PPARG: variants seen among roughly 807,000 people sequenced by gnomAD.
PPARG encodes peroxisome proliferator activated receptor gamma, also known as peroxisome proliferator-activated receptor gamma.
A neutral mutation model predicts 39.2 loss-of-function variants in PPARG; 17 were observed. That is an observed-to-expected ratio of 0.43 (90% CI 0.30 to 0.65). The LOEUF is 0.65. PPARG is among the 30% of genes least tolerant of loss of function. The pLI, the probability that PPARG is intolerant of heterozygous loss-of-function variation, is 0.13. For synonymous variants in PPARG, 223 were observed against 215.7 expected, an observed-to-expected ratio of 1.03 and a Z score of -0.30; for missense variants, 406 against 585.9, an observed-to-expected ratio of 0.69 and a Z score of 3.17.
chr3:12,340,015 C>T (rs1422460929), intron 2 of PPARG, among the ~76,000 whole-genome samples: 2 of 152,166 alleles, frequency 1.3e-5, no homozygotes, highest in African/African-American at 4.8e-5. Context: ...CATTAATCTC[C>T]CAGAGGCTAC....
intron 6 of PPARG, among the ~76,000 whole-genome samples, chr3:12,411,875 A>T (rs937698146): frequency 1.2e-4 from 18 of 152,226 alleles, no homozygotes; most frequent in Admixed American, 3.9e-4. Flanking sequence ...GATGAAAGTC[A>T]GATGTGTAAA....
chr3:12,315,160 T>C (rs575658015), intron 2 of PPARG, among the ~76,000 whole-genome samples: 1 of 152,348 alleles, frequency 6.6e-6, no homozygotes, highest in South Asian at 2.1e-4. Context: ...TGTCCACTTT[T>C]ATGAGATCAA....
intron 7 of PPARG, among the ~76,000 whole-genome samples, chr3:12,422,897 A>T (rs1362174607): frequency 6.6e-6 from 1 of 152,042 alleles, no homozygotes; most frequent in East Asian, 1.9e-4. Flanking sequence ...AAAAAAAGAA[A>T]AGAAAAAGAA....
At chr3:12,319,732 A>G (rs1365682550) in intron 2 of PPARG, among the ~76,000 whole-genome samples, 1 of 151,160 alleles carries the variant, frequency 6.6e-6, no homozygotes, top group East Asian at 1.9e-4. Flanking sequence ...AACCTTAACC[A>G]TGTTGTTCCA....
intron 7 of PPARG, among the ~76,000 whole-genome samples, chr3:12,431,437 T>TAAGC (rs371882141): frequency 8.5e-5 from 13 of 152,184 alleles, no homozygotes; most frequent in Admixed American, 3.9e-4. Context: ...TCAAATGAAT[T>TAAGC]AAGCATTCAA....
chr3:12,367,200 A>G (rs527802921), intron 2 of PPARG, among the ~76,000 whole-genome samples: 3 of 152,258 alleles, frequency 2.0e-5, no homozygotes, highest in Admixed American at 2.0e-4. Context: ...CTTTAATGTC[A>G]ATGAGATCTG....
intron 1 of PPARG, among the ~76,000 whole-genome samples, chr3:12,306,123 T>G (rs1049584718): frequency 6.6e-6 from 1 of 152,218 alleles, no homozygotes; most frequent in Admixed American, 6.5e-5. Context: ...TTCAACAGAC[T>G]GGTGGCAGGT....
At chr3:12,310,198 A>G (rs980468803) in intron 1 of PPARG, among the ~76,000 whole-genome samples, 3 of 152,150 alleles carry the variant, frequency 2.0e-5, no homozygotes, top group Admixed American at 1.3e-4. Context: ...GACAGTAGTA[A>G]GAACCAGCCA....
At chr3:12,355,120 GA>G (rs1229219666) in intron 2 of PPARG, among the ~76,000 whole-genome samples, 1 of 152,028 alleles carries the variant, frequency 6.6e-6, no homozygotes, top group African/African-American at 2.4e-5. Flanking sequence ...GAAAAGATTT[GA>G]GTTATTGACA....
intron 2 of PPARG, among the ~76,000 whole-genome samples, chr3:12,346,818 T>C (rs2048341410): frequency 6.6e-6 from 1 of 151,880 alleles, no homozygotes; most frequent in Non-Finnish European, 1.5e-5. Context: ...TATTTTTTTA[T>C]AGAGGCAGGG....
At chr3:12,351,524 G>A (rs2048484669) in intron 2 of PPARG, 3 of 1,201,264 alleles carry the variant, frequency 2.5e-6, no homozygotes, top group Non-Finnish European at 3.7e-6. Context: ...TCTTTTAACG[G>A]ATTGATCTTT....
intron 1 of PPARG, among the ~76,000 whole-genome samples, chr3:12,303,053 T>C (rs977756567): frequency 6.6e-6 from 1 of 152,152 alleles, no homozygotes; most frequent in East Asian, 1.9e-4. Flanking sequence ...TTTAATATTA[T>C]TATGATATTC....
intron 6 of PPARG, among the ~76,000 whole-genome samples, chr3:12,413,654 A>C (rs1008604796): frequency 2.0e-5 from 3 of 151,670 alleles, no homozygotes; most frequent in African/African-American, 7.3e-5. Context: ...ACTAAAAAAT[A>C]AAAAAATTTA....
intron 2 of PPARG, among the ~76,000 whole-genome samples, chr3:12,372,338 G>A (rs2049248208): frequency 6.6e-6 from 1 of 152,150 alleles, no homozygotes; most frequent in Non-Finnish European, 1.5e-5. Flanking sequence ...TGTGGGCTAT[G>A]GAGCTTCAGA....
At chr3:12,288,441 G>C (rs1274353027), upstream of PPARG, among the ~76,000 whole-genome samples, 3 of 152,086 alleles carry the variant, frequency 2.0e-5, no homozygotes, top group Non-Finnish European at 2.9e-5. Flanking sequence ...AGAGCGCCGG[G>C]TGGGCGCGGA....
At chr3:12,318,993 G>A (rs982129303) in intron 2 of PPARG, among the ~76,000 whole-genome samples, 1 of 152,142 alleles carries the variant, frequency 6.6e-6, no homozygotes, top group African/African-American at 2.4e-5. Context: ...GAAATTTAGT[G>A]ACGTAAGCAT....
At chr3:12,398,192 A>G (rs762035096) in intron 5 of PPARG, among the ~76,000 whole-genome samples, 1 of 152,240 alleles carries the variant, frequency 6.6e-6, no homozygotes, top group Non-Finnish European at 1.5e-5. Context: ...GATAGCAGTA[A>G]AAATGATAGA....
chr3:12,359,506 A>G (rs1418800286), intron 2 of PPARG, among the ~76,000 whole-genome samples: 1 of 152,152 alleles, frequency 6.6e-6, no homozygotes, highest in Non-Finnish European at 1.5e-5. Context: ...CAAACATAGT[A>G]ACTTCCCAAA....
At chr3:12,330,984 C>G (rs1177561882) in intron 2 of PPARG, among the ~76,000 whole-genome samples, 1 of 152,142 alleles carries the variant, frequency 6.6e-6, no homozygotes, top group Non-Finnish European at 1.5e-5. Flanking sequence ...TTTCACAATA[C>G]AAGGACATTT....
Sources: gnomAD v4.1 joint callset for allele counts (sites outside exome capture counted in the v4.1 genomes callset) on GRCh38, gnomAD v4.1.1 for gene constraint, MANE v1.5 for transcripts, NCBI Gene and HGNC (gene_info 2026-07-23, HGNC 2026-07-21) for gene names.